Variants in LMBR1 observed in about 807,000 individuals in gnomAD.
LMBR1 encodes the protein limb region 1 protein homolog.
Under a neutral mutation model 73.9 loss-of-function variants are expected in LMBR1, and 52 were observed. The observed-to-expected ratio is 0.70, with a 90% CI of 0.56 to 0.89. LMBR1 has a LOEUF of 0.89. Ranked by LOEUF, LMBR1 falls within the 40% of genes least tolerant of loss-of-function variation. The probability of loss-of-function intolerance (pLI) is 0.00; values close to 1 mark genes in which losing one functional copy is unlikely to be tolerated. For synonymous variants in LMBR1, 215 were observed against 209.4 expected, an observed-to-expected ratio of 1.03 and a Z score of -0.23; for missense variants, 539 against 579.8, an observed-to-expected ratio of 0.93 and a Z score of 0.72.
At chr7:156,748,748 C>T (rs1212782743) in intron 9 of LMBR1, among the ~76,000 whole-genome samples, 1 of 152,136 alleles carries the variant, frequency 6.6e-6, no homozygotes, top group Non-Finnish European at 1.5e-5. Flanking sequence ...CTCAGCCTCC[C>T]AAAGTGTTGG....
At chr7:156,809,758 T>A (rs907526973) in intron 4 of LMBR1, among the ~76,000 whole-genome samples, 1 of 152,216 alleles carries the variant, frequency 6.6e-6, no homozygotes. Context: ...TGATTCTTAT[T>A]ATTGCTCCTC....
intron 1 of LMBR1, among the ~76,000 whole-genome samples, chr7:156,889,303 C>A (rs1055969474): frequency 2.0e-5 from 3 of 151,778 alleles, no homozygotes; most frequent in Non-Finnish European, 4.4e-5. Context: ...GGTGGTTGCA[C>A]AACAATGTGA....
chr7:156,719,330 C>T (rs1585359935), intron 15 of LMBR1, among the ~76,000 whole-genome samples: 1 of 152,070 alleles, frequency 6.6e-6, no homozygotes, highest in Non-Finnish European at 1.5e-5. Context: ...CTTATGGCTG[C>T]ATAGTATTCC....
At chr7:156,725,109 T>C (rs1474056251) in intron 14 of LMBR1, among the ~76,000 whole-genome samples, 1 of 152,164 alleles carries the variant, frequency 6.6e-6, no homozygotes, top group Non-Finnish European at 1.5e-5. Flanking sequence ...TCAAACAAGC[T>C]CCCTGAAGTA....
At chr7:156,750,069 C>A (rs1820565076) in intron 9 of LMBR1, among the ~76,000 whole-genome samples, 1 of 152,146 alleles carries the variant, frequency 6.6e-6, no homozygotes, top group African/African-American at 2.4e-5. Flanking sequence ...TCTAAAGAAA[C>A]TGAGTTGAAT....
intron 8 of LMBR1, among the ~76,000 whole-genome samples, chr7:156,759,256 A>G (rs1216335315): frequency 6.6e-6 from 1 of 152,242 alleles, no homozygotes; most frequent in African/African-American, 2.4e-5. Context: ...TAAATTACCA[A>G]AAGAAAGGCA....
Position 156,780,837 on chromosome 7 carries a change from C to A in LMBR1, c.423+15552G>T, listed in dbSNP as rs190428309. ...CTGTGCTTTCCACCCCTACCCTTCACCTCCACCCTTCACCCCCACCTCCCC... is the reference window on the plus strand; with the variant it reads ...CTGTGCTTTCCACCCCTACCCTTCAACTCCACCCTTCACCCCCACCTCCCC... On this transcript the variant is annotated intron_variant, in intron 5 of 16. Coordinates refer to ENST00000353442, the MANE Select transcript of LMBR1 (RefSeq NM_022458.4). 1.5e-3 allele frequency among the ~76,000 whole-genome samples: 233 copies of A among 152,300 alleles called. 1 individual carries two copies. Among genetic ancestry groups the A allele is most frequent in the Non-Finnish European group, 1.5e-3 (104 of 68,022 alleles).
chr7:156,731,871 C>T lies in LMBR1; in HGVS notation c.838+2306G>A, dbSNP rs183923249. Among the ~76,000 whole-genome samples, 304 of 150,618 alleles carry T rather than the reference C, an allele frequency of 2.0e-3. 3 individuals are homozygous for T. Among genetic ancestry groups the T allele is most frequent in the Admixed American group, 2.8e-3 (42 of 14,954 alleles). On this transcript the variant is annotated intron_variant, in intron 10 of 16. Coordinates refer to ENST00000353442, the MANE Select transcript of LMBR1 (RefSeq NM_022458.4). ...TGAGAAAACTATTTGGCTTTATCTA[C>T]AAAAGTTGCACAGGCACATATACAA...
Position 156,685,226 on chromosome 7 carries a change from T to A in LMBR1, c.1388-1063A>T, listed in dbSNP as rs1412868626. Among the ~76,000 whole-genome samples, 1 of 152,212 alleles carries A rather than the reference T, an allele frequency of 6.6e-6. No individual in the cohort carries two copies. The highest frequency in any genetic ancestry group is 1.9e-4 in the East Asian group (1 of 5,202). ...ACAATTATTTACATAATATACCTGA[T>A]ACACAGACCAACATTGCCCTCTCAC... On this transcript the variant is annotated intron_variant, in intron 16 of 16. Coordinates refer to ENST00000353442, the MANE Select transcript of LMBR1 (RefSeq NM_022458.4). This position sits in a 1 kb window ranked among gnomAD's most constrained non-coding sequence, Gnocchi z 4.1.
At chr7:156,816,725 AT>A (rs1339410990) in intron 4 of LMBR1, among the ~76,000 whole-genome samples, 5 of 152,222 alleles carry the variant, frequency 3.3e-5, no homozygotes, top group African/African-American at 1.2e-4. Flanking sequence ...ATAATAATGT[AT>A]CTAAGATATA....
intron 15 of LMBR1, among the ~76,000 whole-genome samples, chr7:156,700,958 C>T (rs1039100237): frequency 6.6e-6 from 1 of 152,194 alleles, no homozygotes; most frequent in Non-Finnish European, 1.5e-5. Context: ...AAAGGCACTT[C>T]TTACATGGCA....
At chr7:156,737,345 G>C (rs962135273) in intron 9 of LMBR1, among the ~76,000 whole-genome samples, 1 of 152,104 alleles carries the variant, frequency 6.6e-6, no homozygotes, top group Non-Finnish European at 1.5e-5. Context: ...TTTTGAATGT[G>C]AGCTGCTTGT....
rs1805372464 is a variant in LMBR1, at chr7:156,683,276, G to A, written c.*802C>T. The A allele has an allele frequency of 6.6e-6, 1 of 152,238 alleles. No homozygotes were observed. The highest frequency in any genetic ancestry group is 1.5e-5 in the Non-Finnish European group (1 of 68,012). 9.4% of individuals were successfully genotyped at this position (152,238 alleles called of 1,614,324 possible). On this transcript the variant is annotated 3_prime_UTR_variant, in exon 17 of 17. Transcript: ENST00000353442. ...ACTGAGTATACATATAGCCTATAAGGTAAAAATCCAAGTTACAAGTGTATT... is the reference window on the plus strand; with the variant it reads ...ACTGAGTATACATATAGCCTATAAGATAAAAATCCAAGTTACAAGTGTATT...
At chr7:156,703,733 G>T (rs1810299721) in intron 15 of LMBR1, among the ~76,000 whole-genome samples, 2 of 152,070 alleles carry the variant, frequency 1.3e-5, no homozygotes. Flanking sequence ...TCACCATGGG[G>T]GACCTGAGTA....
At chr7:156,826,100 C>T (rs1259161347) in intron 4 of LMBR1, among the ~76,000 whole-genome samples, 2 of 152,228 alleles carry the variant, frequency 1.3e-5, no homozygotes, top group African/African-American at 2.4e-5. Flanking sequence ...CTGCCTCAGC[C>T]TCCCAAGTAG....
chr7:156,689,333 A>C (rs1806668691), intron 15 of LMBR1, among the ~76,000 whole-genome samples: 2 of 152,216 alleles, frequency 1.3e-5, no homozygotes, highest in African/African-American at 4.8e-5. Flanking sequence ...TCGTCTATAA[A>C]ATTGTATAAA....
At chr7:156,859,399 G>T (rs1284912435) in intron 1 of LMBR1, among the ~76,000 whole-genome samples, 4 of 152,118 alleles carry the variant, frequency 2.6e-5, no homozygotes, top group African/African-American at 9.7e-5. Context: ...ATATTTGGAA[G>T]AAAGAAATAA....
At chr7:156,780,984 G>T (rs74440477) in intron 5 of LMBR1, among the ~76,000 whole-genome samples, 5,995 of 152,244 alleles carry the variant, frequency 0.039, 156 homozygotes, top group Non-Finnish European at 0.051. Context: ...TCTTTTACTG[G>T]AACGTTAGTT....
At chr7:156,775,065 T>C (rs1825883082) in intron 5 of LMBR1, among the ~76,000 whole-genome samples, 1 of 152,080 alleles carries the variant, frequency 6.6e-6, no homozygotes, top group Non-Finnish European at 1.5e-5. Context: ...TCAGGTACTA[T>C]GCTTACAACC....
Sources: allele counts gnomAD v4.1 joint callset (sites outside exome capture counted in the v4.1 genomes callset), GRCh38; gene constraint gnomAD v4.1.1; non-coding constraint Gnocchi (gnomAD v3.1); transcripts MANE v1.5; gene names NCBI Gene and HGNC (gene_info 2026-07-23, HGNC 2026-07-21).